TPX2: variants seen among roughly 807,000 people sequenced by gnomAD.
TPX2 encodes TPX2 microtubule nucleation factor.
A neutral mutation model predicts 93.6 loss-of-function variants in TPX2; 21 were observed. That is an observed-to-expected ratio of 0.22 (90% CI 0.16 to 0.32). TPX2 has a LOEUF of 0.32. Ranked by LOEUF, TPX2 falls within the 10% of genes least tolerant of loss-of-function variation. The probability of loss-of-function intolerance (pLI) is 1.00; values close to 1 mark genes in which losing one functional copy is unlikely to be tolerated. For synonymous variants in TPX2, 281 were observed against 298.3 expected (o/e 0.94, Z 0.60); for missense variants, 776 against 871.1 (o/e 0.89, Z 1.37).
At chr20:31,748,678 A>G (rs2061799274) in intron 2 of TPX2, among the ~76,000 whole-genome samples, 1 of 152,140 alleles carries the variant, frequency 6.6e-6, no homozygotes. Context: ...AATCCTGCAG[A>G]CTTGTTCTTT....
At chr20:31,777,723 T>C (rs1182476100) in intron 9 of TPX2, 85 bp downstream of exon 9, 24 of 1,408,484 alleles carry the variant, frequency 1.7e-5, no homozygotes, top group Non-Finnish European at 2.2e-5. Context: ...CTGTTTATAA[T>C]AGTATAATTG....
At chr20:31,752,383 G>A (rs2061825490) in intron 2 of TPX2, among the ~76,000 whole-genome samples, 1 of 152,166 alleles carries the variant, frequency 6.6e-6, no homozygotes, top group South Asian at 2.1e-4. Flanking sequence ...CCCCAAGCTT[G>A]GAAAGTGGCT....
At chr20:31,778,633 A>T (rs1568595419) in intron 9 of TPX2, among the ~76,000 whole-genome samples, 180 bp from the exon 10 acceptor site, 1 of 151,924 alleles carries the variant, frequency 6.6e-6, no homozygotes, top group Non-Finnish European at 1.5e-5. Context: ...TCCATTTTTA[A>T]TTTTTTTTAA....
intron 2 of TPX2, among the ~76,000 whole-genome samples, chr20:31,753,125 C>G (rs1408060523): frequency 6.6e-6 from 1 of 152,164 alleles, no homozygotes; most frequent in Non-Finnish European, 1.5e-5. Context: ...CTATTCCAGA[C>G]AGAAGACTAT....
chr20:31,798,744 T>C (rs2062153284), intron 17 of TPX2, among the ~76,000 whole-genome samples, 192 bp downstream of exon 17: 1 of 152,224 alleles, frequency 6.6e-6, no homozygotes, highest in African/African-American at 2.4e-5. Flanking sequence ...ATGTGTACAT[T>C]GTGATCTAAG....
At chr20:31,770,308 A>G (rs1336083999) in intron 5 of TPX2, 35 bp from the exon 6 acceptor site, 1 of 1,411,398 alleles carries the variant, frequency 7.1e-7, no homozygotes, top group Admixed American at 2.8e-5. Context: ...TAGTATATAT[A>G]TTTATTATAT....
chr20:31,789,636 C>A (rs908973786), intron 12 of TPX2, among the ~76,000 whole-genome samples: 6 of 151,978 alleles, frequency 3.9e-5, no homozygotes, highest in African/African-American at 1.5e-4. Flanking sequence ...AAAAAACTTT[C>A]TTTGTTTCTG....
intron 6 of TPX2, among the ~76,000 whole-genome samples, chr20:31,770,923 G>A (rs1447293680): frequency 9.9e-6 from 1 of 101,310 alleles, no homozygotes; most frequent in Non-Finnish European, 2.0e-5. Flanking sequence ...TTTCGTACTT[G>A]TTCTTCAAGA....
At chr20:31,760,249 T>C in intron 4 of TPX2, 70 bp downstream of exon 4, 2 of 1,580,748 alleles carry the variant, frequency 1.3e-6, no homozygotes, top group Non-Finnish European at 1.7e-6. Flanking sequence ...CCTGAGGTTC[T>C]GGGAAAATTA....
intron 2 of TPX2, 27 bp downstream of exon 2, chr20:31,742,674 A>T (rs1379427045): frequency 6.6e-6 from 1 of 152,250 alleles, no homozygotes; most frequent in Admixed American, 6.5e-5. Context: ...AGGAATAAGG[A>T]ACATTAATAT....
In TPX2 at chr20:31,760,129, C is replaced by A. The variant is rs772705258; in HGVS notation, c.179C>A (p.Pro60His). 1 of 1,613,848 alleles carries A rather than the reference C, an allele frequency of 6.2e-7. No homozygotes were observed. The highest frequency in any genetic ancestry group is 1.1e-5 in the South Asian group (1 of 91,052). Residue 60 changes from proline (P) to histidine (H), a missense_variant, in exon 4 of 18, where the codon CCT becomes CAT. Around this residue, in one of 3 missense-constraint regions of TPX2, gnomAD observed 279 missense variants for 261.6 expected, o/e 1.07. Coordinates refer to ENST00000300403, the MANE Select transcript of TPX2 (RefSeq NM_012112.5). ...GGAGGGCTTTTTCAGGGCAAAACTC[C>A]TTTGAGAAAGGCTAATCTTCAGCAA... is the stretch of plus-strand genomic sequence containing the variant. ...GTGGLFQGKT[P>H]LRKANLQQAI...
rs190884479 is a variant in TPX2, at chr20:31,747,353, C to T, written c.-71+4706C>T. Among the ~76,000 whole-genome samples, 420 of 152,254 alleles carry T rather than the reference C, an allele frequency of 2.8e-3. 4 individuals carry two copies. Among genetic ancestry groups the T allele is most frequent in the African/African-American group, 9.7e-3 (401 of 41,550 alleles). On this transcript the variant is annotated intron_variant, in intron 2 of 17. Coordinates refer to ENST00000300403, the MANE Select transcript of TPX2 (RefSeq NM_012112.5). ...CTGGCTGATCTCGAACTCCTGACTT[C>T]GTGATCCGCCTGCCTTGGCCTCCCA...
chr20:31,765,977 C>T (rs1401195915), intron 4 of TPX2, among the ~76,000 whole-genome samples: 1 of 152,160 alleles, frequency 6.6e-6, no homozygotes, highest in Non-Finnish European at 1.5e-5. Context: ...TCTGGATATA[C>T]TCCTTCATTA....
chr20:31,764,971 T>G (rs2061915429), intron 4 of TPX2, among the ~76,000 whole-genome samples: 1 of 151,646 alleles, frequency 6.6e-6, no homozygotes, highest in Non-Finnish European at 1.5e-5. Context: ...TTTTTTTTTT[T>G]GCAGACAGGG....
intron 4 of TPX2, among the ~76,000 whole-genome samples, chr20:31,766,154 C>T (rs2061923508): frequency 6.6e-6 from 1 of 152,160 alleles, no homozygotes; most frequent in Non-Finnish European, 1.5e-5. Flanking sequence ...ACTCTAAAGA[C>T]ATTGTTCCTT....
intron 2 of TPX2, among the ~76,000 whole-genome samples, chr20:31,755,271 A>G (rs769403425): frequency 1.3e-5 from 2 of 150,708 alleles, no homozygotes; most frequent in African/African-American, 2.4e-5. Flanking sequence ...TTTAGTAGAG[A>G]TGGGGTTTCA....
Position 31,798,277 on chromosome 20 carries a change from C to G in TPX2, c.1946-88C>G, listed in dbSNP as rs184148381. 1.1e-5 allele frequency: 17 copies of G among 1,489,504 alleles called. No individual in the cohort carries two copies. The East Asian group carries it at 3.6e-4, about 32-fold the overall frequency. 92.3% of individuals were successfully genotyped at this position (1,489,504 alleles called of 1,614,324 possible). A position where few individuals can be genotyped will look rare whatever the true frequency, so the allele number is the denominator to read the frequency against. On this transcript the variant is annotated intron_variant, in intron 16 of 17. Transcript: ENST00000300403. ...AGAGCACAGTCTTCCTGTTAGTGTG[C>G]ATGTCTGTGCCACTTGCTCATTCCA...
chr20:31,786,206 C>G (rs1439876664), intron 12 of TPX2, among the ~76,000 whole-genome samples: 2 of 151,942 alleles, frequency 1.3e-5, no homozygotes, highest in Non-Finnish European at 2.9e-5. Flanking sequence ...AAATCACAAA[C>G]TAGTGAGCGG....
intron 4 of TPX2, among the ~76,000 whole-genome samples, chr20:31,761,885 G>A (rs1432579651): frequency 6.6e-6 from 1 of 152,032 alleles, no homozygotes; most frequent in Non-Finnish European, 1.5e-5. Flanking sequence ...ATATATAAGA[G>A]TTCTCCTTTC....
Sources: gnomAD v4.1 joint callset for allele counts (sites outside exome capture counted in the v4.1 genomes callset) on GRCh38, gnomAD v4.1.1 for gene constraint, gnomAD v4.1.1 regional missense constraint, MANE v1.5 for transcripts, NCBI Gene and HGNC (gene_info 2026-07-23, HGNC 2026-07-21) for gene names.